LAMB4: variants seen among roughly 807,000 people sequenced by gnomAD.
LAMB4 encodes the protein laminin subunit beta-4.
In LAMB4, 196 loss-of-function variants were observed where a neutral mutation model predicts 199.2. The ratio of observed to expected loss-of-function variants is 0.98; its 90% CI spans 0.88 to 1.11. LAMB4 has a LOEUF of 1.11. Ranked by LOEUF, LAMB4 falls within the 50% of genes least tolerant of loss-of-function variation. The pLI, the probability that LAMB4 is intolerant of heterozygous loss-of-function variation, is 0.00. For synonymous variants in LAMB4, 744 were observed against 770.6 expected (o/e 0.97, Z 0.57); for missense variants, 2,080 against 2,171.2 (o/e 0.96, Z 0.83).
intron 3 of LAMB4, among the ~76,000 whole-genome samples, chr7:108,113,875 A>G (rs1021476162): frequency 6.6e-6 from 1 of 152,190 alleles, no homozygotes; most frequent in Non-Finnish European, 1.5e-5. Context: ...TGCTGCGTGA[A>G]TGTTTGTCTA....
intron 3 of LAMB4, among the ~76,000 whole-genome samples, chr7:108,113,624 A>T (rs2038307422): frequency 6.6e-6 from 1 of 152,226 alleles, no homozygotes; most frequent in Non-Finnish European, 1.5e-5. Flanking sequence ...AATTTCCAAT[A>T]ATACTATGGA....
rs764097935 is a variant in LAMB4, at chr7:108,025,374, C to CTTTCT, written c.5147-1201_5147-1197dup. On this transcript the variant is annotated intron_variant, in intron 33 of 33. Coordinates refer to ENST00000388781, the MANE Select transcript of LAMB4 (RefSeq NM_007356.3). The stretch of plus-strand genomic sequence containing the variant: ...TGTTCTGTCACTAGATTCTTTCTTT[C>CTTTCT]TTTCTTTTCTTTTCTTTTCTTTCTT... Among the ~76,000 whole-genome samples, 187 of 130,896 alleles carry CTTTCT rather than the reference C, an allele frequency of 1.4e-3. 7 individuals are homozygous for CTTTCT. The highest frequency in any genetic ancestry group is 2.5e-3 in the African/African-American group (69 of 27,974). The allele number at this position is 130,896 out of a possible 152,430, so 85.9% of individuals were successfully genotyped here. A position where few individuals can be genotyped will look rare whatever the true frequency, so the allele number is the denominator to read the frequency against.
chr7:108,022,993 T>C (rs917727032), downstream of LAMB4, among the ~76,000 whole-genome samples: 12 of 152,028 alleles, frequency 7.9e-5, no homozygotes, highest in African/African-American at 2.4e-4. Context: ...TTTGTATTTT[T>C]AGTAGAGACA....
Position 108,049,479 on chromosome 7 carries a change from C to G in LAMB4, c.3969G>C (p.Lys1323Asn). Residue 1323 changes from lysine to asparagine, a missense_variant, in exon 27 of 34, where the codon AAG becomes AAC. Lys to Asn is a moderately conservative substitution (Grantham distance 94). Transcript: ENST00000388781. ...KYYHISSSAE[K>N]KINETSSTIN... ...TGGTGGAACTAGTTTCATTAATTTT[C>G]TTTTCAGCAGATGATGATATGTGAT... 1 of 1,605,764 alleles carries G rather than the reference C, an allele frequency of 6.2e-7. No homozygotes were observed. Among genetic ancestry groups the G allele is most frequent in the Non-Finnish European group, 8.5e-7 (1 of 1,173,638 alleles).
downstream of LAMB4, chr7:108,023,447 G>T (rs886206450): frequency 6.6e-6 from 1 of 152,196 alleles, no homozygotes; most frequent in Admixed American, 6.5e-5. Context: ...AGGAGAAGTA[G>T]TTCAATATTT....
chr7:108,069,280 C>G (rs1196574311), intron 18 of LAMB4, among the ~76,000 whole-genome samples: 13 of 152,180 alleles, frequency 8.5e-5, no homozygotes, highest in Admixed American at 8.5e-4. Context: ...TGGGGCAGGC[C>G]CCCGCAGCAA....
In LAMB4 at chr7:108,109,611, G is replaced by A. The variant is rs534073888; in HGVS notation, c.329-367C>T. 9.8e-5 allele frequency among the ~76,000 whole-genome samples: 15 copies of A among 152,384 alleles called. 1 individual carries two copies. The South Asian group carries it at 3.1e-3, about 32-fold the overall frequency. ...ACTACACATAAACATGAGCTAGCTAGCCAGAGGGTGGTAAAAACCAGTGCA... is the reference window on the plus strand; with the variant it reads ...ACTACACATAAACATGAGCTAGCTAACCAGAGGGTGGTAAAAACCAGTGCA... On this transcript the variant is annotated intron_variant, in intron 4 of 33. Transcript: ENST00000388781.
intron 13 of LAMB4, among the ~76,000 whole-genome samples, chr7:108,092,008 C>T (rs140626231): frequency 6.6e-6 from 1 of 152,098 alleles, no homozygotes; most frequent in Admixed American, 6.6e-5. Context: ...CGCCCCCAAC[C>T]CCCCACTGCC....
chr7:108,033,765 T>A (rs1233022568), intron 31 of LAMB4, among the ~76,000 whole-genome samples: 1 of 148,332 alleles, frequency 6.7e-6, no homozygotes, highest in Non-Finnish European at 1.5e-5. Flanking sequence ...TTTTTAGTTT[T>A]AGGATACTCT....
Position 108,043,920 on chromosome 7 carries a change from A to G in LAMB4, c.4327-24T>C, listed in dbSNP as rs745620079. On this transcript the variant is annotated intron_variant, in intron 28 of 33. Coordinates refer to ENST00000388781, the MANE Select transcript of LAMB4 (RefSeq NM_007356.3). ...ATCTGGAATGAGAAAAACACAATGA[A>G]GAATACTCGACAATATACTCAACAA... 2.6e-5 allele frequency: 41 copies of G among 1,590,026 alleles called. No homozygotes were observed. In the South Asian group the frequency reaches 4.2e-4, roughly 16 times the overall value.
chr7:108,111,767 A>C (rs377446053), intron 4 of LAMB4, 44 bp downstream of exon 4: 8 of 1,551,384 alleles, frequency 5.2e-6, no homozygotes, highest in Non-Finnish European at 6.2e-6. Flanking sequence ...TGTCATATTA[A>C]AATATTGAAG....
At chr7:108,060,073 A>C (rs929035277) in intron 23 of LAMB4, among the ~76,000 whole-genome samples, 2 of 152,224 alleles carry the variant, frequency 1.3e-5, no homozygotes, top group African/African-American at 4.8e-5. Context: ...GTAGTTGTTT[A>C]AACAGCTGGG....
intron 11 of LAMB4, among the ~76,000 whole-genome samples, chr7:108,096,573 C>T (rs1383084204): frequency 2.0e-5 from 3 of 151,896 alleles, no homozygotes; most frequent in Non-Finnish European, 4.4e-5. Flanking sequence ...ACACAACTTC[C>T]AATATACTAA....
Position 108,095,279 on chromosome 7 carries a change from G to A in LAMB4, c.1419C>T (p.Gly473=), listed in dbSNP as rs1239690996. The change falls in exon 12 of 34, where the codon GGC becomes GGT. Residue 473 remains glycine, a synonymous_variant. Transcript: ENST00000388781. ...LPFLTCDVDT[G]QCLCLSYVTG... is the part of the protein sequence containing the mutation. Reference sequence around the variant, plus strand: ...TGACATATGACAGGCACAAGCATTGGCCTGTATCCACATCACAGGTCAAGA... The same window carrying A: ...TGACATATGACAGGCACAAGCATTGACCTGTATCCACATCACAGGTCAAGA... 5.6e-6 allele frequency: 9 copies of A among 1,614,036 alleles called. No homozygotes were observed. The highest frequency in any genetic ancestry group is 4.2e-6 in the Non-Finnish European group (5 of 1,179,988).
chr7:108,081,597 C>T (rs1293203808), intron 14 of LAMB4, among the ~76,000 whole-genome samples: 2 of 152,212 alleles, frequency 1.3e-5, no homozygotes, highest in African/African-American at 4.8e-5. Context: ...GACAGTTTAC[C>T]TAAAAGTAGA....
In LAMB4 at chr7:108,034,215, A is replaced by G. The variant is rs752199601; in HGVS notation, c.4811T>C (p.Val1604Ala). The G allele has an allele frequency of 2.5e-6, 4 of 1,614,058 alleles. No homozygotes were observed. Among genetic ancestry groups the G allele is most frequent in the Non-Finnish European group, 3.4e-6 (4 of 1,179,978 alleles). Residue 1604 changes from valine (V) to alanine (A), a missense_variant, in exon 31 of 34, where the codon GTG becomes GCG. By Grantham distance (64) the Val-to-Ala change is moderately conservative (BLOSUM62 0). Transcript: ENST00000388781. The part of the protein sequence containing the change: ...TANITKIKKN[V>A]LQAENQTREM... ...TTCAAAGAAGACAAATACCTGCAGC[A>G]CATTCTTTTTTATTTTTGTTATATT...
chr7:108,024,258 G>T, intron 33 of LAMB4, 80 bp from the exon 34 acceptor site: 3 of 678,854 alleles, frequency 4.4e-6, no homozygotes, highest in Non-Finnish European at 4.5e-6. Flanking sequence ...CCAAACACAG[G>T]GATTTATGCG....
At chr7:108,118,377 G>C (rs75686809) in intron 2 of LAMB4, among the ~76,000 whole-genome samples, 7 of 152,028 alleles carry the variant, frequency 4.6e-5, no homozygotes, top group African/African-American at 1.4e-4. Context: ...CAATATGAAG[G>C]CTTACTATAT....
intron 2 of LAMB4, among the ~76,000 whole-genome samples, chr7:108,122,293 CTG>C (rs1410636029): frequency 1.3e-5 from 2 of 152,160 alleles, no homozygotes; most frequent in East Asian, 3.9e-4. Flanking sequence ...GTTAAAATAA[CTG>C]TTTTTCTGAA....
Sources: gnomAD v4.1 joint callset for allele counts (sites outside exome capture counted in the v4.1 genomes callset) on GRCh38, gnomAD v4.1.1 for gene constraint, MANE v1.5 for transcripts, NCBI Gene and HGNC (gene_info 2026-07-23, HGNC 2026-07-21) for gene names.